The following COBLL1 variants were observed in gnomAD, a reference collection of about 807,000 sequenced individuals.
The protein encoded by COBLL1 is cordon-bleu protein-like 1.
In COBLL1, 50 loss-of-function variants were observed where a neutral mutation model predicts 94.8. That is an observed-to-expected ratio of 0.53 (90% CI 0.42 to 0.67). The LOEUF is 0.67. Among genes scored for constraint, COBLL1 ranks in the 30% least tolerant of loss-of-function variants. COBLL1 has a pLI of 0.00. For missense variants in COBLL1, 1,362 were observed against 1,348.7 expected (o/e 1.01, Z -0.15); for synonymous variants, 448 against 473.8 (o/e 0.95, Z 0.71).
At chr2:164,710,384 A>T (rs1387781901) in intron 7 of COBLL1, among the ~76,000 whole-genome samples, 1 of 152,216 alleles carries the variant, frequency 6.6e-6, no homozygotes. Flanking sequence ...ATACATATCT[A>T]ACATGCAAGA....
intron 2 of COBLL1, among the ~76,000 whole-genome samples, chr2:164,761,066 G>A (rs1687659157): frequency 6.6e-6 from 1 of 152,108 alleles, no homozygotes; most frequent in African/African-American, 2.4e-5. Flanking sequence ...TCAAGAAGCT[G>A]TCACAGATAC....
Position 164,705,123 on chromosome 2 carries a change from C to A in COBLL1, c.997-18G>T. 3 of 1,488,038 alleles carry A rather than the reference C, an allele frequency of 2.0e-6. No homozygotes were observed. Among genetic ancestry groups the A allele is most frequent in the Non-Finnish European group, 1.8e-6 (2 of 1,119,662 alleles). 92.2% of individuals were successfully genotyped at this position (1,488,038 alleles called of 1,614,324 possible). ...CAGGGACTCTGGAAAACAAAATGAC[C>A]AAATAAAATCCTACATTTAGAAATC... is the stretch of plus-strand genomic sequence containing the variant. On this transcript the variant is annotated intron_variant, in intron 7 of 13. Transcript: ENST00000652658.
chr2:164,800,033 T>G (rs1164339570), intron 2 of COBLL1, among the ~76,000 whole-genome samples: 1 of 152,200 alleles, frequency 6.6e-6, no homozygotes, highest in African/African-American at 2.4e-5. Flanking sequence ...GGCAACAAGT[T>G]CTTAAGACAC....
At chr2:164,674,966 C>T (rs780103276) in intron 1 of COBLL1, among the ~76,000 whole-genome samples, 1 of 152,198 alleles carries the variant, frequency 6.6e-6, no homozygotes. Flanking sequence ...GTTGGGCAGG[C>T]ATCCTTGGAA....
chr2:164,771,697 T>C (rs368124581), intron 2 of COBLL1, among the ~76,000 whole-genome samples: 2 of 151,984 alleles, frequency 1.3e-5, no homozygotes, highest in African/African-American at 2.4e-5. Context: ...TCACCACATA[T>C]ATGGTTTATA....
At chr2:164,686,994 G>A (rs1183203341) in intron 13 of COBLL1, among the ~76,000 whole-genome samples, 2 of 152,090 alleles carry the variant, frequency 1.3e-5, no homozygotes, top group East Asian at 3.9e-4. Flanking sequence ...TTCGCTTTTT[G>A]CCTTTTACTA....
intron 2 of COBLL1, among the ~76,000 whole-genome samples, chr2:164,745,652 C>T (rs990806463): frequency 6.6e-6 from 1 of 151,994 alleles, no homozygotes; most frequent in South Asian, 2.1e-4. Flanking sequence ...GGTGCAGCTG[C>T]GGGTCACAGG....
chr2:164,694,499 T>G lies in COBLL1; in HGVS notation c.2893A>C (p.Thr965Pro), dbSNP rs762596683. ...GTTTTCAAAGTCTTCAGATTTTGTG[T>G]GGATACCTGACTAGCAGGAATTGTC... is the stretch of plus-strand genomic sequence containing the variant. ...PVTIPASQVSTQNLKTLKTFG... is the reference protein window; with the variant it reads ...PVTIPASQVSPQNLKTLKTFG... The change falls in exon 12 of 14, where the codon ACA becomes CCA. Residue 965 changes from threonine (T) to proline (P), a missense_variant. Transcript: ENST00000652658. 1 of 1,613,856 alleles carries G rather than the reference T, an allele frequency of 6.2e-7. No individual in the cohort carries two copies. The highest frequency in any genetic ancestry group is 1.3e-5 in the African/African-American group (1 of 74,886).
At chr2:164,673,669 C>CA (rs1474113522) in intron 1 of COBLL1, among the ~76,000 whole-genome samples, 3 of 151,428 alleles carry the variant, frequency 2.0e-5, no homozygotes, top group Admixed American at 6.6e-5. Flanking sequence ...GACTCTGTTT[C>CA]AAAAAAATAA....
At chr2:164,814,839 C>T (rs1452366370) in intron 2 of COBLL1, among the ~76,000 whole-genome samples, 1 of 152,186 alleles carries the variant, frequency 6.6e-6, no homozygotes, top group Non-Finnish European at 1.5e-5. Context: ...TCTAAACCTT[C>T]CTCCACCCTC....
At chr2:164,841,932 C>A (rs1191048356), upstream of COBLL1, 5 of 1,522,276 alleles carry the variant, frequency 3.3e-6, no homozygotes, top group East Asian at 4.9e-5. The surrounding 1 kb of genome is among the most constrained non-coding windows in gnomAD (Gnocchi z 5.5). Context: ...CTGGGGGCCT[C>A]GCTGGAGCCC....
At chr2:164,819,354 T>C (rs1685044709) in intron 2 of COBLL1, among the ~76,000 whole-genome samples, 1 of 152,040 alleles carries the variant, frequency 6.6e-6, no homozygotes. Flanking sequence ...ATAAAAGAGA[T>C]AAAGCATAGG....
chr2:164,789,173 A>G (rs1461443381), intron 2 of COBLL1, among the ~76,000 whole-genome samples: 2 of 152,072 alleles, frequency 1.3e-5, no homozygotes, highest in East Asian at 3.9e-4. Flanking sequence ...GGACTCAAAA[A>G]ACAAGCAAGA....
In COBLL1 at chr2:164,785,601, C is replaced by T. The variant is rs376317673; in HGVS notation, c.42-41726G>A. On this transcript the variant is annotated intron_variant, in intron 2 of 13. Transcript: ENST00000652658. Reference sequence around the variant, plus strand: ...ACATAACTTCAAGCAGGGGTTAATACAGGAAGTTACACGAAATATTTTCAT... The same window carrying T: ...ACATAACTTCAAGCAGGGGTTAATATAGGAAGTTACACGAAATATTTTCAT... 7.9e-5 allele frequency among the ~76,000 whole-genome samples: 12 copies of T among 152,216 alleles called. No homozygotes were observed. The East Asian group carries it at 1.2e-3, about 15-fold the overall frequency.
chr2:164,703,346 A>G (rs35492512), intron 9 of COBLL1: 44,059 of 639,142 alleles, frequency 0.069, 1,647 homozygotes, highest in Middle Eastern at 0.1. Context: ...TTAAATAAGA[A>G]GAGGTAAAAG....
intron 2 of COBLL1, among the ~76,000 whole-genome samples, chr2:164,801,438 C>CAAAAAAAAAAAAAAA (rs143505097): frequency 7.1e-5 from 2 of 28,208 alleles, no homozygotes; most frequent in African/African-American, 2.5e-4. Flanking sequence ...GACTCCGTCT[C>CAAAAAAAAAAAAAAA]AAAAAAAAAA....
At chr2:164,687,740 C>A in intron 13 of COBLL1, 1 of 622,352 alleles carries the variant, frequency 1.6e-6, no homozygotes. Context: ...ACTGGGCCCC[C>A]ATAAGGAAAG....
chr2:164,754,843 C>G (rs559160049), intron 2 of COBLL1, among the ~76,000 whole-genome samples: 2 of 152,280 alleles, frequency 1.3e-5, no homozygotes, highest in East Asian at 3.9e-4. Flanking sequence ...ACACCCATCT[C>G]TGTGTGACAA....
chr2:164,678,952 G>A (rs191471749), downstream of COBLL1, among the ~76,000 whole-genome samples: 26 of 152,226 alleles, frequency 1.7e-4, no homozygotes, highest in African/African-American at 5.1e-4. Context: ...CCAGAATAAT[G>A]CAGACTGTTA....
Sources: allele counts gnomAD v4.1 joint callset (sites outside exome capture counted in the v4.1 genomes callset), GRCh38; gene constraint gnomAD v4.1.1; non-coding constraint Gnocchi (gnomAD v3.1); transcripts MANE v1.5; gene names NCBI Gene and HGNC (gene_info 2026-07-23, HGNC 2026-07-21).